ATP8B4: variants seen among roughly 807,000 people sequenced by gnomAD.
ATP8B4 encodes ATPase phospholipid transporting 8B4 (putative).
ATP8B4 carries 133 observed loss-of-function variants against 145.6 expected under a neutral mutation model. The ratio of observed to expected loss-of-function variants is 0.91; its 90% CI spans 0.79 to 1.05. The LOEUF (loss-of-function observed/expected upper bound fraction) is 1.05, where lower values mean the gene tolerates loss of function less well. Ranked by LOEUF, ATP8B4 falls within the 50% of genes least tolerant of loss-of-function variation. ATP8B4 has a pLI of 0.00. For missense variants in ATP8B4, 1,458 were observed against 1,425.2 expected (o/e 1.02, Z -0.37); for synonymous variants, 507 against 492.9 (o/e 1.03, Z -0.38).
intron 16 of ATP8B4, among the ~76,000 whole-genome samples, chr15:49,928,068 T>G (rs1464412135): frequency 1.3e-5 from 2 of 152,146 alleles, no homozygotes; most frequent in Non-Finnish European, 2.9e-5. Flanking sequence ...TAGTATTTCA[T>G]AAACATTTAT....
chr15:50,074,148 A>T lies in ATP8B4; in HGVS notation c.66T>A (p.Tyr22Ter). 1 of 1,613,238 alleles carries T rather than the reference A, an allele frequency of 6.2e-7. No homozygotes were observed. Among genetic ancestry groups the T allele is most frequent in the Non-Finnish European group, 8.5e-7 (1 of 1,179,450 alleles). Residue 22 changes from tyrosine to a stop codon, truncating the protein, a stop_gained, in exon 3 of 28, where the codon TAT (tyrosine) becomes TAA (stop). Coordinates refer to ENST00000284509, the MANE Select transcript of ATP8B4 (RefSeq NM_024837.4). LOFTEE classifies it high-confidence loss of function. ...ERIVKANDRE[Y>*]NEKFQYADNR... Reference sequence around the variant, plus strand: ...TTACCGCATACTGGAACTTTTCATTATATTCACGGTCATTGGCTTTCACTA... The same window carrying T: ...TTACCGCATACTGGAACTTTTCATTTTATTCACGGTCATTGGCTTTCACTA...
At chr15:50,014,133 A>T (rs535936245) in intron 6 of ATP8B4, among the ~76,000 whole-genome samples, 71 of 152,308 alleles carry the variant, frequency 4.7e-4, no homozygotes, top group African/African-American at 1.5e-3. Context: ...AGCAACATGG[A>T]TTCCTGAAAA....
intron 13 of ATP8B4, among the ~76,000 whole-genome samples, chr15:49,967,622 T>C (rs1599497273): frequency 2.6e-5 from 4 of 152,280 alleles, no homozygotes; most frequent in African/African-American, 9.6e-5. Context: ...TATGCGACTA[T>C]GTGAAAAGAC....
chr15:50,007,623 T>C (rs1394635375), intron 7 of ATP8B4, among the ~76,000 whole-genome samples: 2 of 152,166 alleles, frequency 1.3e-5, no homozygotes, highest in Non-Finnish European at 2.9e-5. Flanking sequence ...ATGCTAGCAA[T>C]TGTTTTCATG....
chr15:49,953,655 T>C (rs543461502), intron 14 of ATP8B4, among the ~76,000 whole-genome samples: 3 of 152,324 alleles, frequency 2.0e-5, no homozygotes, highest in South Asian at 2.1e-4. Flanking sequence ...GTGAGTCCCA[T>C]TGCTGATTGC....
At chr15:49,889,023 T>C (rs1449777213) in intron 23 of ATP8B4, among the ~76,000 whole-genome samples, 1 of 152,270 alleles carries the variant, frequency 6.6e-6, no homozygotes, top group East Asian at 1.9e-4. Flanking sequence ...CATAGTCATA[T>C]TGAACTGAGT....
intron 6 of ATP8B4, among the ~76,000 whole-genome samples, chr15:50,020,263 G>A: frequency 6.8e-6 from 1 of 146,492 alleles, no homozygotes; most frequent in East Asian, 2.0e-4. Context: ...CCTTGGATGA[G>A]TTTTTTGTTT....
chr15:50,174,814 C>G (rs1174510273), intron 1 of ATP8B4, among the ~76,000 whole-genome samples: 2 of 151,872 alleles, frequency 1.3e-5, no homozygotes, highest in Non-Finnish European at 2.9e-5. Context: ...TATATGGAAC[C>G]AAAAAAGAGC....
intron 5 of ATP8B4, 90 bp downstream of exon 5, chr15:50,044,504 T>C (rs2051566585): frequency 4.5e-6 from 4 of 891,436 alleles, no homozygotes; most frequent in African/African-American, 3.4e-5. Flanking sequence ...AATAACTTCA[T>C]TCAAAATTTC....
intron 1 of ATP8B4, among the ~76,000 whole-genome samples, chr15:50,159,705 T>C (rs1567412635): frequency 6.6e-6 from 1 of 152,222 alleles, no homozygotes. Flanking sequence ...TTTTCTCAAA[T>C]GCTTTTTCAC....
At chr15:50,078,621 C>T (rs555018915) in intron 2 of ATP8B4, among the ~76,000 whole-genome samples, 2 of 151,882 alleles carry the variant, frequency 1.3e-5, no homozygotes, top group Admixed American at 6.6e-5. Flanking sequence ...AAGAAAACTG[C>T]CCTGCTCCAG....
intron 23 of ATP8B4, among the ~76,000 whole-genome samples, chr15:49,887,535 G>A (rs1195459093): frequency 1.3e-5 from 2 of 152,032 alleles, no homozygotes; most frequent in Non-Finnish European, 2.9e-5. Flanking sequence ...CACAGGGGAA[G>A]CCATGGCACC....
intron 1 of ATP8B4, among the ~76,000 whole-genome samples, chr15:50,128,479 G>C (rs1299101335): frequency 6.6e-6 from 1 of 152,204 alleles, no homozygotes; most frequent in Non-Finnish European, 1.5e-5. Context: ...AAAATGACAA[G>C]ATCTGCTTGT....
chr15:50,123,371 G>A (rs1454496815), upstream of ATP8B4, among the ~76,000 whole-genome samples: 1 of 152,160 alleles, frequency 6.6e-6, no homozygotes, highest in African/African-American at 2.4e-5. Context: ...GGACCAGTCT[G>A]CCTTTGTAGG....
chr15:50,113,810 G>A (rs2057062157), intron 1 of ATP8B4, among the ~76,000 whole-genome samples: 1 of 117,806 alleles, frequency 8.5e-6, no homozygotes, highest in South Asian at 2.8e-4. Context: ...TTGCACTCCA[G>A]CCCGGGCAAC....
At chr15:50,107,883 G>A (rs2056759832) in intron 1 of ATP8B4, among the ~76,000 whole-genome samples, 1 of 152,082 alleles carries the variant, frequency 6.6e-6, no homozygotes, top group Non-Finnish European at 1.5e-5. Context: ...TGCAGAGGAA[G>A]TTCATCAACA....
chr15:50,131,049 C>T (rs1229049132), intron 1 of ATP8B4, among the ~76,000 whole-genome samples: 2 of 133,512 alleles, frequency 1.5e-5, no homozygotes, highest in East Asian at 4.8e-4. Context: ...GGAGAAGTGC[C>T]TAGTGAAGGG....
chr15:49,922,491 A>G (rs74012841), intron 17 of ATP8B4: 6,550 of 380,554 alleles, frequency 0.017, 396 homozygotes, highest in African/African-American at 0.13. Flanking sequence ...CCAAACCATC[A>G]TTTTTTAAAT....
intron 7 of ATP8B4, among the ~76,000 whole-genome samples, chr15:50,008,415 C>G (rs7166848): frequency 0.09 from 13,698 of 152,124 alleles, 658 homozygotes; most frequent in African/African-American, 0.13. Flanking sequence ...GCATTCTCAC[C>G]CCATCATGGG....
Sources: allele counts gnomAD v4.1 joint callset (sites outside exome capture counted in the v4.1 genomes callset), GRCh38; gene constraint gnomAD v4.1.1; transcripts MANE v1.5; gene names NCBI Gene and HGNC (gene_info 2026-07-23, HGNC 2026-07-21).